The following CCNJL variants were observed in gnomAD, a reference collection of about 807,000 sequenced individuals.
CCNJL encodes cyclin-J-like protein.
In CCNJL, 33 loss-of-function variants were observed where a neutral mutation model predicts 33.4. The ratio of observed to expected loss-of-function variants is 0.99; its 90% CI spans 0.75 to 1.32. The LOEUF (loss-of-function observed/expected upper bound fraction) is 1.32. Ranked by LOEUF, CCNJL falls within the 40% of genes most tolerant of loss-of-function variation. The pLI, the probability that CCNJL is intolerant of heterozygous loss-of-function variation, is 0.00. For missense variants in CCNJL, 512 were observed against 499.7 expected, an observed-to-expected ratio of 1.02 and a Z score of -0.23; for synonymous variants, 227 against 220.9, an observed-to-expected ratio of 1.03 and a Z score of -0.24.
At chr5:160,316,291 A>G (rs1763379833), upstream of CCNJL, among the ~76,000 whole-genome samples, 1 of 152,058 alleles carries the variant, frequency 6.6e-6, no homozygotes, top group Non-Finnish European at 1.5e-5. Context: ...TCAAAAACTA[A>G]ACTTTCATTA....
intron 2 of CCNJL, among the ~76,000 whole-genome samples, chr5:160,309,252 C>T (rs1238139537): frequency 6.6e-6 from 1 of 152,164 alleles, no homozygotes; most frequent in East Asian, 1.9e-4. Flanking sequence ...CCATCACTAG[C>T]GTGCATGCAG....
intron 2 of CCNJL, among the ~76,000 whole-genome samples, chr5:160,310,128 G>A (rs149872799): frequency 6.6e-6 from 1 of 152,272 alleles, no homozygotes; most frequent in East Asian, 1.9e-4. Flanking sequence ...TAAGCTATGA[G>A]CAGAAATGAC....
At chr5:160,296,582 C>T (rs1762756971) in intron 2 of CCNJL, among the ~76,000 whole-genome samples, 1 of 152,306 alleles carries the variant, frequency 6.6e-6, no homozygotes, top group Non-Finnish European at 1.5e-5. Flanking sequence ...GGAGCTGGCA[C>T]TCTCCTCCCC....
At chr5:160,268,034 G>A (rs781079766) in intron 3 of CCNJL, among the ~76,000 whole-genome samples, 1 of 152,184 alleles carries the variant, frequency 6.6e-6, no homozygotes, top group African/African-American at 2.4e-5. Context: ...TTGTACTAAA[G>A]GTGCTCCCCA....
chr5:160,251,560 T>G lies in CCNJL; in HGVS notation c.*1818A>C, dbSNP rs1760804253. The G allele has an allele frequency of 6.6e-6, 1 of 152,112 alleles. No individual in the cohort carries two copies. The highest frequency in any genetic ancestry group is 1.5e-5 in the Non-Finnish European group (1 of 68,080). The allele number at this position is 152,112 out of a possible 1,614,324, so 9.4% of individuals were successfully genotyped here. A position where few individuals can be genotyped will look rare whatever the true frequency, so the allele number is the denominator to read the frequency against. On this transcript the variant is annotated 3_prime_UTR_variant, in exon 6 of 6. Transcript: ENST00000257536. ...CGAGGTCTTGCTGCTGCCCCCAATA[T>G]TCCACCCTCTACCATAGGGAGATGC...
At chr5:160,327,243 G>GCCTA in intron 1 of CCNJL, among the ~76,000 whole-genome samples, 1 of 152,290 alleles carries the variant, frequency 6.6e-6, no homozygotes, top group South Asian at 2.1e-4. Context: ...TAACAGCAGT[G>GCCTA]CCTACCCTTG....
intron 3 of CCNJL, among the ~76,000 whole-genome samples, chr5:160,280,154 G>GTC (rs1267742648): frequency 6.6e-6 from 1 of 152,190 alleles, no homozygotes; most frequent in Non-Finnish European, 1.5e-5. Flanking sequence ...ACAGGAGGTT[G>GTC]AGGGCACAGG....
chr5:160,282,781 T>G (rs756600094), intron 2 of CCNJL, among the ~76,000 whole-genome samples: 8 of 151,120 alleles, frequency 5.3e-5, no homozygotes, highest in Non-Finnish European at 7.4e-5. Flanking sequence ...TTAGAATGGT[T>G]GTTGTAAAAA....
intron 1 of CCNJL, among the ~76,000 whole-genome samples, chr5:160,322,235 C>T (rs1763479856): frequency 6.6e-6 from 1 of 152,210 alleles, no homozygotes; most frequent in African/African-American, 2.4e-5. Context: ...AATCACGTCT[C>T]TAAGGACATT....
chr5:160,278,007 A>G (rs1724743443), intron 3 of CCNJL, among the ~76,000 whole-genome samples: 1 of 152,020 alleles, frequency 6.6e-6, no homozygotes, highest in African/African-American at 2.4e-5. Flanking sequence ...TCCCGGGTTC[A>G]AGCGATTCTG....
At chr5:160,258,229 T>TA in intron 4 of CCNJL, 2 of 613,154 alleles carry the variant, frequency 3.3e-6, no homozygotes, top group East Asian at 2.8e-5. Context: ...TTTTTTTTTT[T>TA]AAGACCGAGT....
At chr5:160,294,405 G>A (rs944025730) in intron 2 of CCNJL, among the ~76,000 whole-genome samples, 1 of 152,200 alleles carries the variant, frequency 6.6e-6, no homozygotes, top group Admixed American at 6.5e-5. Context: ...AGGTAACCCA[G>A]GCACCACATC....
intron 1 of CCNJL, among the ~76,000 whole-genome samples, chr5:160,322,621 C>T (rs1442624079): frequency 6.6e-6 from 1 of 152,186 alleles, no homozygotes; most frequent in Non-Finnish European, 1.5e-5. Flanking sequence ...TTAAAAATGT[C>T]CCTCGGCTGG....
chr5:160,258,404 T>C, intron 4 of CCNJL: 1 of 845,246 alleles, frequency 1.2e-6, no homozygotes. Flanking sequence ...ATAAGAAGGC[T>C]TCCTGAGAAC....
intron 1 of CCNJL, among the ~76,000 whole-genome samples, chr5:160,326,261 G>T (rs531733352): frequency 1.3e-5 from 2 of 151,952 alleles, no homozygotes; most frequent in Non-Finnish European, 2.9e-5. Flanking sequence ...GATCACCTGA[G>T]GTCAGGAGTT....
intron 2 of CCNJL, among the ~76,000 whole-genome samples, chr5:160,288,774 T>C (rs1580990159): frequency 7.4e-6 from 1 of 134,590 alleles, no homozygotes; most frequent in Non-Finnish European, 1.5e-5. Context: ...GAGCTTGCAG[T>C]GAATGGACAT....
At chr5:160,298,166 G>C (rs1762809885) in intron 2 of CCNJL, among the ~76,000 whole-genome samples, 1 of 152,100 alleles carries the variant, frequency 6.6e-6, no homozygotes, top group Non-Finnish European at 1.5e-5. Context: ...CTAGTACATG[G>C]TGGAGTTACT....
intron 2 of CCNJL, among the ~76,000 whole-genome samples, chr5:160,282,666 A>G (rs1240980777): frequency 1.3e-5 from 2 of 152,086 alleles, no homozygotes; most frequent in Non-Finnish European, 2.9e-5. Context: ...CAGTTCTCCA[A>G]AGAAAGTATA....
In CCNJL at chr5:160,259,528, C is replaced by A. The variant is rs183961271; in HGVS notation, c.524G>T (p.Arg175Leu). The A allele has an allele frequency of 8.1e-6, 13 of 1,613,980 alleles. No individual in the cohort carries two copies. Among genetic ancestry groups the A allele is most frequent in the Non-Finnish European group, 1.1e-5 (13 of 1,180,000 alleles). The stretch of plus-strand genomic sequence containing the variant: ...CTCCTTGAGGCACTCTTTGGTCTTG[C>A]GGGGGCAGGTGGTGGGCCAGGTGTG... ...HCHTWPTTCP[R>L]KTKECLKEYA... The change falls in exon 4 of 6, where the codon CGC (arginine) becomes CTC (leucine). Residue 175 changes from arginine to leucine, a missense_variant. Physicochemically the swap from Arg to Leu is moderately radical, Grantham distance 102 (BLOSUM62 -2). Transcript: ENST00000257536.
Sources: gnomAD v4.1 joint callset for allele counts (sites outside exome capture counted in the v4.1 genomes callset) on GRCh38, gnomAD v4.1.1 for gene constraint, MANE v1.5 for transcripts, NCBI Gene and HGNC (gene_info 2026-07-23, HGNC 2026-07-21) for gene names.